AUH: variants seen among roughly 807,000 people sequenced by gnomAD.
AUH encodes methylglutaconyl-CoA hydratase, mitochondrial.
Under a neutral mutation model 42.3 loss-of-function variants are expected in AUH, and 29 were observed. The observed-to-expected ratio is 0.69, with a 90% CI of 0.51 to 0.93. The LOEUF (loss-of-function observed/expected upper bound fraction) is 0.93, where lower values mean the gene tolerates loss of function less well. Among genes scored for constraint, AUH ranks in the 40% least tolerant of loss-of-function variants. The pLI is 0.00. For missense variants in AUH, 452 were observed against 438.1 expected, an observed-to-expected ratio of 1.03 and a Z score of -0.28; for synonymous variants, 174 against 166.4, an observed-to-expected ratio of 1.05 and a Z score of -0.35.
chr9:91,267,086 T>C (rs1830014833), intron 6 of AUH, among the ~76,000 whole-genome samples: 1 of 152,146 alleles, frequency 6.6e-6, no homozygotes, highest in Non-Finnish European at 1.5e-5. Flanking sequence ...CAGCTTAGCC[T>C]ACAGATGCAT....
At chr9:91,275,325 T>C (rs887956811) in intron 6 of AUH, among the ~76,000 whole-genome samples, 2 of 152,180 alleles carry the variant, frequency 1.3e-5, no homozygotes, top group Admixed American at 1.3e-4. Flanking sequence ...ACAGCCCATA[T>C]TTTCTCAATC....
chr9:91,264,240 A>T (rs1042314339), intron 6 of AUH, among the ~76,000 whole-genome samples: 3 of 152,162 alleles, frequency 2.0e-5, no homozygotes, highest in Non-Finnish European at 4.4e-5. Context: ...CCACTACAAT[A>T]AATTTTAAAA....
intron 4 of AUH, among the ~76,000 whole-genome samples, chr9:91,303,920 A>G (rs1479589794): frequency 1.3e-5 from 2 of 152,222 alleles, no homozygotes; most frequent in East Asian, 3.9e-4. Flanking sequence ...TGAGGCCTGC[A>G]GGCTGGCTGG....
intron 4 of AUH, among the ~76,000 whole-genome samples, chr9:91,304,003 C>G (rs1427433806): frequency 6.6e-6 from 1 of 152,140 alleles, no homozygotes; most frequent in Admixed American, 6.5e-5. Flanking sequence ...GATGGGAGTT[C>G]AAAGTGAGAA....
In AUH at chr9:91,353,488, T is replaced by C. The variant is rs1832151659; in HGVS notation, c.418+2395A>G. Among the ~76,000 whole-genome samples, 11 of 152,288 alleles carry C rather than the reference T, an allele frequency of 7.2e-5. No individual in the cohort carries two copies. The South Asian group carries it at 2.3e-3, about 32-fold the overall frequency. ...ACTGATAAATGTGGCCTGATTAAGA[T>C]GTTTATACTAATATAGGCTGTAAGT... On this transcript the variant is annotated intron_variant, in intron 3 of 9. Transcript: ENST00000375731.
At chr9:91,339,311 CATT>C (rs1830927105) in intron 3 of AUH, among the ~76,000 whole-genome samples, 1 of 152,222 alleles carries the variant, frequency 6.6e-6, no homozygotes, top group Non-Finnish European at 1.5e-5. Flanking sequence ...GTCAAACCAT[CATT>C]AAGTGAGGGA....
intron 6 of AUH, among the ~76,000 whole-genome samples, chr9:91,284,869 A>G (rs1028783422): frequency 1.3e-5 from 2 of 152,214 alleles, no homozygotes; most frequent in African/African-American, 4.8e-5. Context: ...GTGGGACTCT[A>G]AACTAGTTCA....
chr9:91,324,348 T>G (rs1829809636), intron 4 of AUH, among the ~76,000 whole-genome samples: 1 of 151,006 alleles, frequency 6.6e-6, no homozygotes, highest in Non-Finnish European at 1.5e-5. Context: ...ACAAGAAAAT[T>G]AAAAATCAGC....
chr9:91,322,755 C>T (rs1306499762), intron 4 of AUH, among the ~76,000 whole-genome samples: 2 of 152,122 alleles, frequency 1.3e-5, no homozygotes, highest in African/African-American at 4.8e-5. Flanking sequence ...AGCTCAATCT[C>T]CTTTATGATT....
intron 4 of AUH, among the ~76,000 whole-genome samples, chr9:91,319,379 G>A (rs1279667824): frequency 6.6e-6 from 1 of 152,134 alleles, no homozygotes; most frequent in Non-Finnish European, 1.5e-5. Flanking sequence ...AATCAGACAC[G>A]AGCAGAGTTG....
chr9:91,313,142 T>G (rs900489343), intron 4 of AUH, among the ~76,000 whole-genome samples: 1 of 152,162 alleles, frequency 6.6e-6, no homozygotes, highest in Non-Finnish European at 1.5e-5. Context: ...GACTGGAATC[T>G]CCTGCTTTCA....
intron 4 of AUH, among the ~76,000 whole-genome samples, chr9:91,304,281 T>C (rs547655685): frequency 1.3e-5 from 2 of 152,280 alleles, no homozygotes; most frequent in African/African-American, 2.4e-5. Context: ...TCAGGCTGTA[T>C]GGATTCACAC....
intron 6 of AUH, among the ~76,000 whole-genome samples, chr9:91,263,422 T>C (rs1490908954): frequency 6.6e-6 from 1 of 152,226 alleles, no homozygotes; most frequent in Non-Finnish European, 1.5e-5. Flanking sequence ...GTTGTCGTTA[T>C]CCAAAATAAC....
At chr9:91,221,900 A>AACTT (rs1332961443) in intron 6 of AUH, among the ~76,000 whole-genome samples, 1 of 152,182 alleles carries the variant, frequency 6.6e-6, no homozygotes, top group Admixed American at 6.5e-5. Context: ...AAAAGCAGGT[A>AACTT]ACACAGGTCT....
intron 6 of AUH, among the ~76,000 whole-genome samples, chr9:91,261,610 A>G (rs1363036579): frequency 6.6e-6 from 1 of 152,182 alleles, no homozygotes; most frequent in African/African-American, 2.4e-5. Flanking sequence ...CTGTGTAGCT[A>G]CTTCCTATCC....
chr9:91,250,198 G>GC (rs1829051000), intron 6 of AUH, among the ~76,000 whole-genome samples: 2 of 152,098 alleles, frequency 1.3e-5, no homozygotes, highest in African/African-American at 4.8e-5. Context: ...CGCACCTGCT[G>GC]CCCAGCACAT....
chr9:91,291,754 A>G (rs927867614), intron 6 of AUH, among the ~76,000 whole-genome samples: 1 of 152,142 alleles, frequency 6.6e-6, no homozygotes, highest in African/African-American at 2.4e-5. Flanking sequence ...CACAATTTTA[A>G]CCAATTCATA....
chr9:91,251,213 C>CT (rs1829108791), intron 6 of AUH, among the ~76,000 whole-genome samples: 1 of 152,200 alleles, frequency 6.6e-6, no homozygotes, highest in South Asian at 2.1e-4. Flanking sequence ...CCAGTCCCCT[C>CT]TAGGTGCAGC....
At position 91,333,833 on chromosome 9, in the gene AUH, C is replaced by G. The variant is rs1451814824; in HGVS notation, c.419-8429G>C. 2.0e-5 allele frequency among the ~76,000 whole-genome samples: 3 copies of G among 152,208 alleles called. No homozygotes were observed. In the East Asian group the frequency reaches 5.8e-4, roughly 29 times the overall value. On this transcript the variant is annotated intron_variant, in intron 3 of 9. Coordinates refer to ENST00000375731, the MANE Select transcript of AUH (RefSeq NM_001698.3). ...CCAGAAACTGCCAGAATAAGAATCT[C>G]AGCTGAAATTCTCAACATTAATATT...
Sources: gnomAD v4.1 joint callset for allele counts (sites outside exome capture counted in the v4.1 genomes callset) on GRCh38, gnomAD v4.1.1 for gene constraint, MANE v1.5 for transcripts, NCBI Gene and HGNC (gene_info 2026-07-23, HGNC 2026-07-21) for gene names.